RNF149: variants seen among roughly 807,000 people sequenced by gnomAD.
RNF149 encodes E3 ubiquitin-protein ligase RNF149.
In RNF149, 21 loss-of-function variants were observed where a neutral mutation model predicts 39.0. The observed-to-expected ratio is 0.54, with a 90% CI of 0.38 to 0.77. The LOEUF is 0.77. Ranked by LOEUF, RNF149 falls within the 30% of genes least tolerant of loss-of-function variation. The pLI is 0.00. For synonymous variants in RNF149, 209 were observed against 213.6 expected (o/e 0.98, Z 0.19); for missense variants, 493 against 534.9 (o/e 0.92, Z 0.77).
rs890508422 is a variant in RNF149, at chr2:101,308,693, G to A, written c.-105C>T. On this transcript the variant is annotated 5_prime_UTR_variant, in exon 1 of 7. Transcript: ENST00000295317. ...ACCCACCGCCGCCCTGGAAGACTGA[G>A]GCGGGGTCGGGGCCGCTGCGCACGC... 9 of 1,096,356 alleles carry A rather than the reference G, an allele frequency of 8.2e-6. No individual in the cohort carries two copies. In the African/African-American group the frequency reaches 1.0e-4, roughly 12 times the overall value. 67.9% of individuals were successfully genotyped at this position (1,096,356 alleles called of 1,614,324 possible). A position where few individuals can be genotyped will look rare whatever the true frequency, so the allele number is the denominator to read the frequency against.
intron 1 of RNF149, among the ~76,000 whole-genome samples, chr2:101,304,308 G>A (rs1314082800): frequency 1.3e-5 from 2 of 152,138 alleles, no homozygotes; most frequent in African/African-American, 4.8e-5. Flanking sequence ...GAGGTGAGAG[G>A]ATCACTTGAG....
downstream of RNF149, among the ~76,000 whole-genome samples, chr2:101,274,656 AC>A (rs923045098): frequency 2.0e-5 from 3 of 152,248 alleles, no homozygotes; most frequent in Non-Finnish European, 4.4e-5. Flanking sequence ...GGTGGGGTTG[AC>A]CATGGCTGGA....
In RNF149 at chr2:101,277,252, C is replaced by T. The variant is rs757159388; in HGVS notation, c.1189G>A (p.Gly397Arg). Residue 397 changes from glycine (G) to arginine (R), a missense_variant, in exon 7 of 7, where the codon GGA becomes AGA. Physicochemically the swap from Gly to Arg is moderately radical, Grantham distance 125 (BLOSUM62 -2). Coordinates refer to ENST00000295317, the MANE Select transcript of RNF149 (RefSeq NM_173647.4). ...GGGCACGTGTGCTAGGAGATGGGTC[C>T]TCCATGCCGAGAGTCACTCCTGCCG... ...EAGRSDSRHG[G>R]PIS 1.2e-6 allele frequency: 2 copies of T among 1,613,592 alleles called. No individual in the cohort carries two copies. The highest frequency in any genetic ancestry group is 4.5e-5 in the East Asian group (2 of 44,870).
chr2:101,289,548 T>C (rs1161698844), intron 3 of RNF149, among the ~76,000 whole-genome samples: 2 of 151,682 alleles, frequency 1.3e-5, no homozygotes, highest in Non-Finnish European at 2.9e-5. Flanking sequence ...TTACTAAAAA[T>C]ACAAAAATTA....
chr2:101,296,185 G>A (rs1242248700), intron 1 of RNF149, among the ~76,000 whole-genome samples: 1 of 151,962 alleles, frequency 6.6e-6, no homozygotes, highest in Non-Finnish European at 1.5e-5. Context: ...AATACCTAAA[G>A]CATGTTCATT....
chr2:101,273,265 A>G (rs1682204811), downstream of RNF149: 1 of 555,430 alleles, frequency 1.8e-6, no homozygotes, highest in Non-Finnish European at 3.3e-6. Context: ...ACAGTCACGG[A>G]CACTGCCTCC....
At chr2:101,305,876 G>T (rs1282266673) in intron 1 of RNF149, among the ~76,000 whole-genome samples, 1 of 152,234 alleles carries the variant, frequency 6.6e-6, no homozygotes, top group Non-Finnish European at 1.5e-5. Flanking sequence ...CTTAAAGGCT[G>T]TTGGGAAGAG....
At chr2:101,294,207 A>G (rs1683132245) in intron 2 of RNF149, 125 bp from the exon 3 acceptor site, 2 of 596,888 alleles carry the variant, frequency 3.4e-6, no homozygotes, top group East Asian at 3.0e-5. Context: ...GCAAAGTCAA[A>G]TGACTATACT....
At chr2:101,277,609 G>A (rs1682397052) in intron 6 of RNF149, among the ~76,000 whole-genome samples, 1 of 152,006 alleles carries the variant, frequency 6.6e-6, no homozygotes, top group South Asian at 2.1e-4. Flanking sequence ...GGCTAGTCTC[G>A]AACTCCTGAC....
At chr2:101,281,692 G>A in intron 6 of RNF149, 167 bp downstream of exon 6, 4 of 697,722 alleles carry the variant, frequency 5.7e-6, no homozygotes, top group Non-Finnish European at 9.5e-6. Flanking sequence ...GTAGAGATGG[G>A]GTCTCACTAT....
intron 5 of RNF149, among the ~76,000 whole-genome samples, chr2:101,285,372 G>A (rs573081992): frequency 1.3e-4 from 20 of 152,292 alleles, no homozygotes; most frequent in African/African-American, 4.8e-4. Flanking sequence ...AACTTTATTT[G>A]AAAGATGATT....
At position 101,308,635 on chromosome 2, in the gene RNF149, T is replaced by G; in HGVS notation, c.-47A>C. On this transcript the variant is annotated 5_prime_UTR_variant, in exon 1 of 7. Transcript: ENST00000295317. The stretch of plus-strand genomic sequence containing the variant: ...AGGGGGAGTCAGGGTCACGCGCGAG[T>G]GCGGTGCAGTCGAAGAGCAGAGAGA... The G allele has an allele frequency of 6.9e-7, 1 of 1,440,636 alleles. No individual in the cohort carries two copies. The highest frequency in any genetic ancestry group is 9.1e-7 in the Non-Finnish European group (1 of 1,098,376). 89.2% of individuals were successfully genotyped at this position (1,440,636 alleles called of 1,614,324 possible). A position where few individuals can be genotyped will look rare whatever the true frequency, so the allele number is the denominator to read the frequency against.
rs751024699 is a variant in RNF149, at chr2:101,308,413, G to A, written c.176C>T (p.Ser59Leu). ...PQTNLTVWSVSESGRFGDSSP... is the reference protein window; with the variant it reads ...PQTNLTVWSVLESGRFGDSSP... ...GCTGTCGCCGAAGCGGCCACTCTCC[G>A]AGACGCTCCACACCGTCAGGTTGGT... The change falls in exon 1 of 7, where the codon TCG becomes TTG. Residue 59 changes from serine to leucine, a missense_variant. By Grantham distance (145) the Ser-to-Leu change is moderately radical (BLOSUM62 -2). Transcript: ENST00000295317. The A allele has an allele frequency of 6.8e-6, 11 of 1,611,288 alleles. No individual in the cohort carries two copies. Among genetic ancestry groups the A allele is most frequent in the Non-Finnish European group, 9.3e-6 (11 of 1,179,308 alleles).
intron 1 of RNF149, among the ~76,000 whole-genome samples, chr2:101,305,525 T>C (rs538011519): frequency 9.2e-5 from 14 of 152,176 alleles, no homozygotes; most frequent in Non-Finnish European, 2.1e-4. Context: ...TGCTTCAAAA[T>C]GTTGGATAAT....
chr2:101,275,092 G>A (rs1415826221), downstream of RNF149, among the ~76,000 whole-genome samples: 1 of 143,006 alleles, frequency 7.0e-6, no homozygotes, highest in African/African-American at 2.6e-5. Context: ...ACCACGCCTG[G>A]CCCTTCCCTA....
intron 5 of RNF149, 68 bp from the exon 6 acceptor site, chr2:101,282,125 C>G: frequency 6.3e-7 from 1 of 1,584,066 alleles, no homozygotes; most frequent in Non-Finnish European, 8.6e-7. Context: ...TATGTATCAT[C>G]TGGCTCGTAA....
At chr2:101,302,870 C>G (rs1000272204) in intron 1 of RNF149, among the ~76,000 whole-genome samples, 1 of 151,868 alleles carries the variant, frequency 6.6e-6, no homozygotes, top group African/African-American at 2.4e-5. Context: ...GTCCCAGCTA[C>G]GCAGAAGGCT....
At chr2:101,287,708 ATGTT>A (rs1269150018) in intron 4 of RNF149, among the ~76,000 whole-genome samples, 1 of 152,202 alleles carries the variant, frequency 6.6e-6, no homozygotes, top group East Asian at 1.9e-4. Context: ...TCACATGTAA[ATGTT>A]TGTAGGTTTA....
intron 3 of RNF149, among the ~76,000 whole-genome samples, chr2:101,289,469 G>A (rs1172488093): frequency 6.6e-6 from 1 of 152,132 alleles, no homozygotes; most frequent in African/African-American, 2.4e-5. Context: ...CACTTTGGGA[G>A]GCCAAGGAGG....
Sources: gnomAD v4.1 joint callset for allele counts (sites outside exome capture counted in the v4.1 genomes callset) on GRCh38, gnomAD v4.1.1 for gene constraint, MANE v1.5 for transcripts, NCBI Gene and HGNC (gene_info 2026-07-23, HGNC 2026-07-21) for gene names.